Variants in LYPLA1 observed in about 807,000 individuals in gnomAD.
The protein encoded by LYPLA1 is acyl-protein thioesterase 1.
A neutral mutation model predicts 34.0 loss-of-function variants in LYPLA1; 17 were observed. The ratio of observed to expected loss-of-function variants is 0.50; its 90% CI spans 0.34 to 0.75. The LOEUF (loss-of-function observed/expected upper bound fraction) is 0.75, where lower values mean the gene tolerates loss of function less well. Among genes scored for constraint, LYPLA1 ranks in the 30% least tolerant of loss-of-function variants. LYPLA1 has a pLI of 0.01. For missense variants in LYPLA1, 203 were observed against 288.8 expected (o/e 0.70, Z 2.15); for synonymous variants, 98 against 100.8 (o/e 0.97, Z 0.17).
Position 54,094,101 on chromosome 8 carries a change from A to G in LYPLA1, c.101+6807T>C, listed in dbSNP as rs116284735. Among the ~76,000 whole-genome samples, 305 of 152,352 alleles carry G rather than the reference A, an allele frequency of 2.0e-3. 3 individuals carry two copies. The highest frequency in any genetic ancestry group is 7.0e-3 in the African/African-American group (293 of 41,582). On this transcript the variant is annotated intron_variant, in intron 2 of 8. Transcript: ENST00000316963. ...CTCACCTTGTTTGACCTCTCAGTAA[A>G]ATCTGATCCAGTCAACCACTTATTT...
At chr8:54,050,865 A>G (rs1273778000) in intron 8 of LYPLA1, 147 bp downstream of exon 8, 2 of 731,992 alleles carry the variant, frequency 2.7e-6, no homozygotes, top group East Asian at 5.0e-5. Flanking sequence ...ATTAAGTTGA[A>G]TACACACTCA....
At chr8:54,072,019 T>C (rs1807510162) in intron 2 of LYPLA1, among the ~76,000 whole-genome samples, 1 of 152,122 alleles carries the variant, frequency 6.6e-6, no homozygotes, top group Admixed American at 6.6e-5. Flanking sequence ...AACAGCATGG[T>C]ACTGGTACAA....
In LYPLA1 at chr8:54,065,942, T is replaced by C. The variant is rs1055173516; in HGVS notation, c.102-129A>G. 3 of 673,708 alleles carry C rather than the reference T, an allele frequency of 4.5e-6. No homozygotes were observed. In the African/African-American group the frequency reaches 5.5e-5, roughly 12 times the overall value. The allele number at this position is 673,708 out of a possible 1,614,324, so 41.7% of individuals were successfully genotyped here. ...TCCTAAAAATATGGTTTTTTTTTGTTTGTTTGTTTTTTGAGATGGCGTCTC... is the reference window on the plus strand; with the variant it reads ...TCCTAAAAATATGGTTTTTTTTTGTCTGTTTGTTTTTTGAGATGGCGTCTC... On this transcript the variant is annotated intron_variant, in intron 2 of 8. Transcript: ENST00000316963.
rs1224806284 is a variant in LYPLA1, at chr8:54,079,626, A to T, written c.102-13813T>A. ...GAGACCAGCCTGGGCAATGTGGCGA[A>T]TCCCCCATATCTACTGAGAATACAA... On this transcript the variant is annotated intron_variant, in intron 2 of 8. Coordinates refer to ENST00000316963, the MANE Select transcript of LYPLA1 (RefSeq NM_006330.4). Among the ~76,000 whole-genome samples, 3 of 151,924 alleles carry T rather than the reference A, an allele frequency of 2.0e-5. No individual in the cohort carries two copies. The East Asian group carries it at 5.8e-4, about 30-fold the overall frequency.
intron 2 of LYPLA1, among the ~76,000 whole-genome samples, chr8:54,081,678 G>A (rs560176430): frequency 6.6e-6 from 1 of 151,528 alleles, no homozygotes; most frequent in South Asian, 2.1e-4. Context: ...GCCTCCCAAA[G>A]TGCTGGGATT....
At chr8:54,082,873 C>T (rs936767874) in intron 2 of LYPLA1, among the ~76,000 whole-genome samples, 3 of 151,966 alleles carry the variant, frequency 2.0e-5, no homozygotes, top group Non-Finnish European at 2.9e-5. Context: ...ACTACAGGTA[C>T]CCGCCACTAC....
intron 6 of LYPLA1, 131 bp downstream of exon 6, chr8:54,054,929 A>C: frequency 1.6e-6 from 1 of 630,502 alleles, no homozygotes; most frequent in East Asian, 2.9e-5. Flanking sequence ...AACTTAATTA[A>C]ACATCAAAGG....
chr8:54,052,929 C>T (rs917841478), intron 6 of LYPLA1, 173 bp from the exon 7 acceptor site: 18 of 553,118 alleles, frequency 3.3e-5, no homozygotes, highest in African/African-American at 2.4e-4. Flanking sequence ...CTAAAGGATG[C>T]GGTTCTCTAC....
At chr8:54,052,871 A>C in intron 6 of LYPLA1, 115 bp from the exon 7 acceptor site, 1 of 655,094 alleles carries the variant, frequency 1.5e-6, no homozygotes, top group Non-Finnish European at 2.8e-6. Context: ...GGCTGGTGTC[A>C]AATCAAATCA....
chr8:54,074,209 G>A (rs961271149), intron 2 of LYPLA1, among the ~76,000 whole-genome samples: 1 of 152,210 alleles, frequency 6.6e-6, no homozygotes, highest in African/African-American at 2.4e-5. Context: ...GGGAGGCAGA[G>A]CTTGCAGTGA....
intron 2 of LYPLA1, among the ~76,000 whole-genome samples, chr8:54,070,617 G>A (rs979721073): frequency 2.6e-5 from 4 of 152,110 alleles, no homozygotes; most frequent in Non-Finnish European, 4.4e-5. Flanking sequence ...CAGCGACTGG[G>A]GAGACTGAGG....
intron 5 of LYPLA1, 103 bp from the exon 6 acceptor site, chr8:54,055,236 T>C (rs1806126054): frequency 1.5e-6 from 1 of 651,896 alleles, no homozygotes; most frequent in Middle Eastern, 2.5e-4. Context: ...CAATTACTTT[T>C]AAGGTGGAAA....
chr8:54,072,749 C>T (rs1442460248), intron 2 of LYPLA1, among the ~76,000 whole-genome samples: 8 of 151,762 alleles, frequency 5.3e-5, no homozygotes, highest in Non-Finnish European at 1.0e-4. Flanking sequence ...GTAGCGGAGG[C>T]GGGCGGATCA....
chr8:54,097,587 T>C (rs1405735122), intron 2 of LYPLA1, among the ~76,000 whole-genome samples: 3 of 152,192 alleles, frequency 2.0e-5, no homozygotes, highest in Non-Finnish European at 4.4e-5. Context: ...TTTTCTGTGA[T>C]TATATAATGT....
chr8:54,061,978 CTCAAGTGGCTGGGA>C (rs1291765127), intron 5 of LYPLA1, among the ~76,000 whole-genome samples: 1 of 152,160 alleles, frequency 6.6e-6, no homozygotes, highest in African/African-American at 2.4e-5. Context: ...GCTTCATCCT[CTCAAGTGGCTGGGA>C]TTACAGGCGC....
chr8:54,060,383 C>CA (rs1586093469), intron 5 of LYPLA1, among the ~76,000 whole-genome samples: 1 of 152,050 alleles, frequency 6.6e-6, no homozygotes, highest in East Asian at 1.9e-4. Context: ...CCTCAGCCTC[C>CA]CAAAGTGCTG....
At chr8:54,084,986 CTCCTCTCCCTCCTCT>C (rs1157865824) in intron 2 of LYPLA1, among the ~76,000 whole-genome samples, 10 of 145,094 alleles carry the variant, frequency 6.9e-5, no homozygotes, top group African/African-American at 2.9e-4. Flanking sequence ...CTCCCTCTCC[CTCCTCTCCCTCCTCT>C]TCCTCTCCCT....
chr8:54,075,717 G>A (rs931088400), intron 2 of LYPLA1, among the ~76,000 whole-genome samples: 2 of 152,160 alleles, frequency 1.3e-5, no homozygotes, highest in African/African-American at 4.8e-5. Flanking sequence ...ATGCCTAGAT[G>A]TAATCACTCT....
chr8:54,082,880 C>G (rs1371037493), intron 2 of LYPLA1, among the ~76,000 whole-genome samples: 1 of 152,136 alleles, frequency 6.6e-6, no homozygotes, highest in East Asian at 1.9e-4. Context: ...GTACCCGCCA[C>G]TACGCCTGGC....
Sources: gnomAD v4.1 joint callset for allele counts (sites outside exome capture counted in the v4.1 genomes callset) on GRCh38, gnomAD v4.1.1 for gene constraint, MANE v1.5 for transcripts, NCBI Gene and HGNC (gene_info 2026-07-23, HGNC 2026-07-21) for gene names.